Variants in CFAP47 observed in about 807,000 individuals in gnomAD.
CFAP47 encodes cilia- and flagella-associated protein 47.
In CFAP47, 29 loss-of-function variants were observed where a neutral mutation model predicts 148.1. The ratio of observed to expected loss-of-function variants is 0.20; its 90% CI spans 0.15 to 0.27. The LOEUF (loss-of-function observed/expected upper bound fraction) is 0.27, where lower values mean the gene tolerates loss of function less well. Among genes scored for constraint, CFAP47 ranks in the 10% least tolerant of loss-of-function variants. CFAP47 has a pLI of 1.00. For missense variants in CFAP47, 1,872 were observed against 1,697.5 expected (o/e 1.10, Z -1.81); for synonymous variants, 664 against 577.3 (o/e 1.15, Z -2.15).
At chrX:35,979,412 C>G (rs5973556) in intron 15 of CFAP47, among the ~76,000 whole-genome samples, 5,547 of 109,577 alleles carry the variant, frequency 0.051, 401 homozygotes, top group African/African-American at 0.17. Context: ...TTGAATCACA[C>G]AATCCATGAA....
chrX:36,324,680 T>G (rs1941503702), intron 57 of CFAP47, among the ~76,000 whole-genome samples: 1 of 111,823 alleles, frequency 8.9e-6, no homozygotes, highest in South Asian at 3.7e-4. Context: ...ATTGGGATTA[T>G]TATAGATGAA....
intron 30 of CFAP47, among the ~76,000 whole-genome samples, chrX:36,088,820 T>A (rs1260579158): frequency 8.9e-6 from 1 of 111,834 alleles, no homozygotes; most frequent in Non-Finnish European, 1.9e-5. Flanking sequence ...AATAATAAAA[T>A]TTTTAAAAAT....
intron 3 of CFAP47, among the ~76,000 whole-genome samples, chrX:35,947,645 T>G (rs1192744462): frequency 9.2e-6 from 1 of 108,999 alleles, no homozygotes; most frequent in Non-Finnish European, 1.9e-5. Context: ...AGTGAGAAAC[T>G]CTGGAACAAT....
intron 39 of CFAP47, among the ~76,000 whole-genome samples, chrX:36,169,109 T>C (rs1268972657): frequency 9.0e-6 from 1 of 111,392 alleles, no homozygotes; most frequent in African/African-American, 3.3e-5. Flanking sequence ...GTCTTCTATC[T>C]TCCAGCATTT....
intron 30 of CFAP47, among the ~76,000 whole-genome samples, chrX:36,097,619 ATATCAGAGGTTCAT>A (rs1434528673): frequency 9.0e-6 from 1 of 111,186 alleles, no homozygotes; most frequent in Non-Finnish European, 1.9e-5. Context: ...ACTGTCAGAC[ATATCAGAGGTTCAT>A]TATATGTTAT....
At chrX:36,064,439 TAA>T (rs1355915175) in intron 26 of CFAP47, among the ~76,000 whole-genome samples, 1 of 112,118 alleles carries the variant, frequency 8.9e-6, no homozygotes, top group African/African-American at 3.2e-5. Context: ...TATCAATGTA[TAA>T]AGAGAAAAAT....
chrX:36,186,869 T>A (rs1209796531), intron 40 of CFAP47, among the ~76,000 whole-genome samples: 1 of 111,112 alleles, frequency 9.0e-6, no homozygotes, highest in Non-Finnish European at 1.9e-5. Context: ...TTTTTTTTTT[T>A]TATAATTTTA....
chrX:36,087,856 G>A (rs980298612), intron 30 of CFAP47, among the ~76,000 whole-genome samples: 2 of 111,373 alleles, frequency 1.8e-5, no homozygotes, highest in African/African-American at 6.5e-5. Context: ...CAAATGAGAG[G>A]GTCAAGTTGG....
At chrX:36,277,525 A>T (rs1223566941) in intron 49 of CFAP47, among the ~76,000 whole-genome samples, 1 of 112,273 alleles carries the variant, frequency 8.9e-6, no homozygotes, top group Admixed American at 9.4e-5. Flanking sequence ...CCTAGAATTT[A>T]AAAAAATATT....
chrX:36,002,339 C>G (rs2146693281), intron 21 of CFAP47, among the ~76,000 whole-genome samples: 1 of 111,013 alleles, frequency 9.0e-6, no homozygotes, highest in African/African-American at 3.3e-5. Context: ...ATAATCCCAG[C>G]ACTTTGGGAG....
At chrX:36,325,966 T>C (rs782371279) in intron 57 of CFAP47, among the ~76,000 whole-genome samples, 2 of 111,742 alleles carry the variant, frequency 1.8e-5, no homozygotes, top group South Asian at 7.4e-4. Flanking sequence ...TGGTAAGATA[T>C]AGGACTCAAA....
At chrX:36,329,634 A>G (rs1250843094) in intron 57 of CFAP47, among the ~76,000 whole-genome samples, 5 of 112,283 alleles carry the variant, frequency 4.5e-5, no homozygotes, top group African/African-American at 1.6e-4. Flanking sequence ...GAAAAATATC[A>G]TTTCTGGCAT....
At chrX:36,355,220 A>G (rs7886079) in intron 60 of CFAP47, among the ~76,000 whole-genome samples, 35,643 of 109,770 alleles carry the variant, frequency 0.32, 6,973 homozygotes, top group African/African-American at 0.73. Context: ...AAACGTGTTG[A>G]TAAAGATGTG....
chrX:36,235,439 C>A (rs1168645995), intron 46 of CFAP47, among the ~76,000 whole-genome samples: 1 of 112,452 alleles, frequency 8.9e-6, no homozygotes. Context: ...GGGATATAAT[C>A]TCCTGGTGCG....
intron 57 of CFAP47, among the ~76,000 whole-genome samples, chrX:36,320,376 G>T (rs1941469092): frequency 8.9e-6 from 1 of 111,894 alleles, no homozygotes; most frequent in Non-Finnish European, 1.9e-5. Flanking sequence ...GGTTAATTAA[G>T]TTCTCTTAAA....
chrX:36,161,145 C>T (rs1214453492), intron 39 of CFAP47, among the ~76,000 whole-genome samples: 2 of 111,179 alleles, frequency 1.8e-5, no homozygotes, highest in Admixed American at 9.6e-5. Flanking sequence ...CGCGCCTGGC[C>T]GTAATTTTCT....
Position 36,366,949 on chromosome X carries a change from C to G in CFAP47, c.9024-17C>G. ...GTTTTCACGTAGTGTCATTTAAAATCTCCTTTTATATTCAAGGTCTCACAT... is the reference window on the plus strand; with the variant it reads ...GTTTTCACGTAGTGTCATTTAAAATGTCCTTTTATATTCAAGGTCTCACAT... On this transcript the variant is annotated splice_polypyrimidine_tract_variant and intron_variant, in intron 61 of 63. Transcript: ENST00000378653. 9.3e-7 allele frequency: 1 copy of G among 1,073,744 alleles called. No individual in the cohort carries two copies. Among genetic ancestry groups the G allele is most frequent in the Non-Finnish European group, 1.2e-6 (1 of 814,418 alleles). The allele number at this position is 1,073,744 out of a possible 1,213,427, so 88.5% of individuals were successfully genotyped here. A position where few individuals can be genotyped will look rare whatever the true frequency, so the allele number is the denominator to read the frequency against.
At position 35,978,687 on chromosome X, in the gene CFAP47, C is replaced by T. The variant is rs767793523; in HGVS notation, c.2713+2774C>T. Among the ~76,000 whole-genome samples, 11 of 111,452 alleles carry T rather than the reference C, an allele frequency of 9.9e-5. No individual in the cohort carries two copies. The East Asian group carries it at 2.6e-3, about 26-fold the overall frequency. On this transcript the variant is annotated intron_variant, in intron 15 of 63. Transcript: ENST00000378653. ...TAGCATATACAGTTTTGCTTATGTT[C>T]CTTTCCTCAGAATATTTATATAATG...
intron 39 of CFAP47, among the ~76,000 whole-genome samples, chrX:36,176,032 C>T (rs761808586): frequency 8.9e-5 from 10 of 112,136 alleles, no homozygotes; most frequent in East Asian, 5.7e-4. Context: ...ATCGGAAAAG[C>T]GCAGTATTCA....
Sources: gnomAD v4.1 joint callset for allele counts (sites outside exome capture counted in the v4.1 genomes callset) on GRCh38, gnomAD v4.1.1 for gene constraint, MANE v1.5 for transcripts, NCBI Gene and HGNC (gene_info 2026-07-23, HGNC 2026-07-21) for gene names.